The following ZDHHC14 variants were observed in gnomAD, a reference collection of about 807,000 sequenced individuals.
The protein encoded by ZDHHC14 is palmitoyltransferase ZDHHC14.
Under a neutral mutation model 47.7 loss-of-function variants are expected in ZDHHC14, and 16 were observed. The ratio of observed to expected loss-of-function variants is 0.34; its 90% CI spans 0.23 to 0.51. The LOEUF (loss-of-function observed/expected upper bound fraction) is 0.51. Among genes scored for constraint, ZDHHC14 ranks in the 20% least tolerant of loss-of-function variants. ZDHHC14 has a pLI of 0.97. For missense variants in ZDHHC14, 515 were observed against 662.5 expected (o/e 0.78, Z 2.44); for synonymous variants, 293 against 278.9 (o/e 1.05, Z -0.50).
chr6:157,599,439 A>G (rs1157226769), intron 3 of ZDHHC14, among the ~76,000 whole-genome samples: 1 of 152,082 alleles, frequency 6.6e-6, no homozygotes, highest in African/African-American at 2.4e-5. Flanking sequence ...CCTGGGTGGG[A>G]GCCCTTGGCC....
intron 1 of ZDHHC14, among the ~76,000 whole-genome samples, chr6:157,402,171 A>G (rs1278801459): frequency 1.3e-5 from 2 of 149,694 alleles, no homozygotes; most frequent in Non-Finnish European, 3.0e-5. Flanking sequence ...TGAGATGTGG[A>G]CCTGCTGAGG....
At chr6:157,671,299 A>C (rs1487663583) in intron 8 of ZDHHC14, among the ~76,000 whole-genome samples, 1 of 152,202 alleles carries the variant, frequency 6.6e-6, no homozygotes, top group Non-Finnish European at 1.5e-5. Flanking sequence ...TAAGGTCTTG[A>C]TCGAGCTGTC....
chr6:157,642,177 A>G (rs549347565), intron 5 of ZDHHC14, among the ~76,000 whole-genome samples: 7 of 152,350 alleles, frequency 4.6e-5, no homozygotes, highest in Admixed American at 3.3e-4. Flanking sequence ...CCATTCTGGA[A>G]TCCGGGAATT....
intron 2 of ZDHHC14, among the ~76,000 whole-genome samples, chr6:157,580,749 T>C (rs1783488658): frequency 6.6e-6 from 1 of 151,972 alleles, no homozygotes; most frequent in Non-Finnish European, 1.5e-5. Context: ...TTTCTTTGTA[T>C]TTCTCTGGGG....
At chr6:157,593,254 G>T in intron 3 of ZDHHC14, 108 bp downstream of exon 3, 1 of 1,365,334 alleles carries the variant, frequency 7.3e-7, no homozygotes, top group Admixed American at 2.4e-5. Flanking sequence ...ATATTTCAGC[G>T]CATTTGCATG....
At chr6:157,409,650 G>A (rs913332005) in intron 1 of ZDHHC14, among the ~76,000 whole-genome samples, 1 of 152,094 alleles carries the variant, frequency 6.6e-6, no homozygotes, top group African/African-American at 2.4e-5. Context: ...AGGTTACATT[G>A]ACTGGATGAA....
intron 5 of ZDHHC14, among the ~76,000 whole-genome samples, chr6:157,634,106 A>G (rs1776849157): frequency 6.6e-6 from 1 of 152,224 alleles, no homozygotes; most frequent in African/African-American, 2.4e-5. Flanking sequence ...TCCTATAAAT[A>G]TAAATATATA....
chr6:157,415,589 G>T (rs1777957044), intron 1 of ZDHHC14, among the ~76,000 whole-genome samples: 2 of 152,150 alleles, frequency 1.3e-5, no homozygotes, highest in South Asian at 2.1e-4. Context: ...AAAGTTGGTG[G>T]CAAGGCCAGG....
At chr6:157,499,052 A>G (rs919134922) in intron 1 of ZDHHC14, among the ~76,000 whole-genome samples, 3 of 151,892 alleles carry the variant, frequency 2.0e-5, no homozygotes, top group Non-Finnish European at 4.4e-5. Flanking sequence ...AAACTTGAAG[A>G]GAAAAAAAAA....
intron 1 of ZDHHC14, among the ~76,000 whole-genome samples, chr6:157,428,860 GT>G (rs911800618): frequency 6.6e-6 from 1 of 152,140 alleles, no homozygotes; most frequent in Non-Finnish European, 1.5e-5. Flanking sequence ...TGCTTTCTTC[GT>G]TACTGTGAGC....
chr6:157,631,376 T>A (rs1333509148), intron 4 of ZDHHC14: 1 of 152,250 alleles, frequency 6.6e-6, no homozygotes, highest in African/African-American at 2.4e-5. Flanking sequence ...TATTGGAATA[T>A]CCTGGGCAAA....
chr6:157,525,966 T>C (rs758006671), intron 1 of ZDHHC14, among the ~76,000 whole-genome samples: 1 of 152,208 alleles, frequency 6.6e-6, no homozygotes. Context: ...GCCTGAATTA[T>C]TCTCTGAGCT....
chr6:157,486,013 C>G (rs907303960), intron 1 of ZDHHC14, among the ~76,000 whole-genome samples: 1 of 152,182 alleles, frequency 6.6e-6, no homozygotes, highest in East Asian at 1.9e-4. Context: ...ACTCGGTGCC[C>G]CCTCAAAAGA....
chr6:157,453,144 C>T (rs577310573), intron 1 of ZDHHC14, among the ~76,000 whole-genome samples: 41 of 152,200 alleles, frequency 2.7e-4, no homozygotes, highest in Non-Finnish European at 3.7e-4. Context: ...TTAGGATAAC[C>T]GTGGGTGTTA....
intron 5 of ZDHHC14, among the ~76,000 whole-genome samples, chr6:157,638,008 G>A (rs1036721517): frequency 6.6e-6 from 1 of 152,164 alleles, no homozygotes; most frequent in African/African-American, 2.4e-5. Flanking sequence ...GAAAGGAACC[G>A]AGTAGCTTCT....
At chr6:157,527,879 A>G (rs1781215543) in intron 1 of ZDHHC14, among the ~76,000 whole-genome samples, 1 of 152,210 alleles carries the variant, frequency 6.6e-6, no homozygotes, top group African/African-American at 2.4e-5. Context: ...ATAGGGATGT[A>G]GCTGTAGGAG....
chr6:157,509,120 G>T (rs1038981844), intron 1 of ZDHHC14, among the ~76,000 whole-genome samples: 1 of 152,068 alleles, frequency 6.6e-6, no homozygotes, highest in Non-Finnish European at 1.5e-5. Context: ...TAGAATCTCT[G>T]CCTCTCTCCT....
At chr6:157,601,963 GGAGGCC>G (rs1784352129) in intron 3 of ZDHHC14, among the ~76,000 whole-genome samples, 1 of 152,170 alleles carries the variant, frequency 6.6e-6, no homozygotes, top group African/African-American at 2.4e-5. Flanking sequence ...CAGCACTTTG[GGAGGCC>G]GAGGCGGGCA....
intron 1 of ZDHHC14, among the ~76,000 whole-genome samples, chr6:157,448,903 G>C (rs1410201218): frequency 6.6e-6 from 1 of 152,150 alleles, no homozygotes; most frequent in Admixed American, 6.6e-5. Flanking sequence ...TAGTCCATTT[G>C]GTTGTCATAA....
Sources: allele counts gnomAD v4.1 joint callset (sites outside exome capture counted in the v4.1 genomes callset), GRCh38; gene constraint gnomAD v4.1.1; transcripts MANE v1.5; gene names NCBI Gene and HGNC (gene_info 2026-07-23, HGNC 2026-07-21).